The following PDLIM5 variants were observed in gnomAD, a reference collection of about 807,000 sequenced individuals.
PDLIM5 encodes PDZ and LIM domain protein 5.
In PDLIM5, 34 loss-of-function variants were observed where a neutral mutation model predicts 64.2. The ratio of observed to expected loss-of-function variants is 0.53; its 90% CI spans 0.40 to 0.71. The LOEUF is 0.71. PDLIM5 is among the 30% of genes least tolerant of loss of function. The probability of loss-of-function intolerance (pLI) is 0.00; values close to 1 mark genes in which losing one functional copy is unlikely to be tolerated. For synonymous variants in PDLIM5, 253 were observed against 269.1 expected (o/e 0.94, Z 0.59); for missense variants, 683 against 733.6 (o/e 0.93, Z 0.80).
chr4:94,581,931 A>G (rs2110301664), intron 5 of PDLIM5, among the ~76,000 whole-genome samples: 1 of 152,300 alleles, frequency 6.6e-6, no homozygotes, highest in South Asian at 2.1e-4. Flanking sequence ...GGCAATAATT[A>G]TATCACTGAT....
intron 2 of PDLIM5, among the ~76,000 whole-genome samples, chr4:94,503,785 C>T (rs551016954): frequency 1.3e-5 from 2 of 152,318 alleles, no homozygotes; most frequent in East Asian, 3.9e-4. Flanking sequence ...AGTTCTACCC[C>T]TTTTATATTC....
intron 3 of PDLIM5, among the ~76,000 whole-genome samples, chr4:94,535,551 C>CT (rs1731246374): frequency 6.6e-6 from 1 of 152,172 alleles, no homozygotes; most frequent in Non-Finnish European, 1.5e-5. Flanking sequence ...GAACCTCCCA[C>CT]TTTCACCTGT....
intron 2 of PDLIM5, among the ~76,000 whole-genome samples, chr4:94,473,132 G>A (rs1725023275): frequency 6.6e-6 from 1 of 152,202 alleles, no homozygotes; most frequent in South Asian, 2.1e-4. Flanking sequence ...ATAAAGTCCA[G>A]GAATAGTATT....
intron 2 of PDLIM5, among the ~76,000 whole-genome samples, chr4:94,472,005 A>G (rs1724916930): frequency 6.6e-6 from 1 of 152,160 alleles, no homozygotes; most frequent in South Asian, 2.1e-4. Context: ...TACTAGTAAT[A>G]GGGAGTTGAA....
intron 3 of PDLIM5, among the ~76,000 whole-genome samples, chr4:94,565,638 AG>A (rs879825787): frequency 6.6e-6 from 1 of 152,228 alleles, no homozygotes; most frequent in Non-Finnish European, 1.5e-5. Context: ...TTAGCACCAG[AG>A]AAGGTATTCA....
intron 3 of PDLIM5, among the ~76,000 whole-genome samples, chr4:94,569,258 A>G (rs774828227): frequency 1.2e-4 from 19 of 152,178 alleles, no homozygotes; most frequent in Non-Finnish European, 1.9e-4. Flanking sequence ...ATTTGGGATG[A>G]TAACTAGTCT....
At chr4:94,481,924 GCTTA>G (rs1725896031) in intron 2 of PDLIM5, among the ~76,000 whole-genome samples, 2 of 151,790 alleles carry the variant, frequency 1.3e-5, no homozygotes, top group South Asian at 4.2e-4. Flanking sequence ...AGTTTTTAAA[GCTTA>G]CTTATGCTTT....
chr4:94,614,648 A>G (rs534680284), intron 7 of PDLIM5, among the ~76,000 whole-genome samples: 13 of 152,300 alleles, frequency 8.5e-5, no homozygotes, highest in African/African-American at 2.4e-4. Context: ...TGCCTTGGTA[A>G]TAACTTAGAT....
At chr4:94,567,450 A>C (rs2110260567) in intron 3 of PDLIM5, among the ~76,000 whole-genome samples, 1 of 152,248 alleles carries the variant, frequency 6.6e-6, no homozygotes, top group South Asian at 2.1e-4. Flanking sequence ...AAGTAGAAGT[A>C]ATTACTTACC....
chr4:94,480,643 A>G (rs774020340), intron 2 of PDLIM5, among the ~76,000 whole-genome samples: 8 of 152,146 alleles, frequency 5.3e-5, no homozygotes, highest in Non-Finnish European at 1.0e-4. Context: ...GAAGATACAG[A>G]AAGGGAGAGA....
intron 8 of PDLIM5, among the ~76,000 whole-genome samples, chr4:94,627,497 T>G (rs1362934273): frequency 6.6e-6 from 1 of 152,214 alleles, no homozygotes; most frequent in Non-Finnish European, 1.5e-5. Flanking sequence ...TCATAAAGAA[T>G]TGTTCTATTA....
At chr4:94,480,790 A>G (rs549708978) in intron 2 of PDLIM5, among the ~76,000 whole-genome samples, 4 of 152,288 alleles carry the variant, frequency 2.6e-5, no homozygotes, top group African/African-American at 9.6e-5. Flanking sequence ...GGGCAGAGAA[A>G]AGCAGGGAAA....
chr4:94,571,102 A>G (rs1334745620), intron 3 of PDLIM5, among the ~76,000 whole-genome samples: 1 of 152,218 alleles, frequency 6.6e-6, no homozygotes, highest in Non-Finnish European at 1.5e-5. Flanking sequence ...TTGGGTATTC[A>G]AAAGATGCAG....
chr4:94,649,688 T>G (rs986323301), intron 9 of PDLIM5, among the ~76,000 whole-genome samples: 3 of 152,232 alleles, frequency 2.0e-5, no homozygotes, highest in Non-Finnish European at 4.4e-5. Flanking sequence ...AGATGAACTT[T>G]TAAATATTTG....
chr4:94,574,837 T>C (rs1057195566), intron 4 of PDLIM5, among the ~76,000 whole-genome samples: 3 of 152,104 alleles, frequency 2.0e-5, no homozygotes, highest in African/African-American at 7.2e-5. Context: ...TGGGGAAATA[T>C]TGAAGATTTT....
intron 8 of PDLIM5, among the ~76,000 whole-genome samples, chr4:94,625,131 T>C (rs1311281169): frequency 6.6e-6 from 1 of 152,240 alleles, no homozygotes; most frequent in Non-Finnish European, 1.5e-5. Flanking sequence ...CTGCTGGTTT[T>C]AACCATTGCC....
intron 4 of PDLIM5, among the ~76,000 whole-genome samples, chr4:94,574,709 G>A (rs1735104023): frequency 6.6e-6 from 1 of 152,076 alleles, no homozygotes; most frequent in Non-Finnish European, 1.5e-5. Context: ...TAGAAGCTTA[G>A]TCTGATTTTG....
At chr4:94,482,290 T>A (rs1560645466) in intron 2 of PDLIM5, among the ~76,000 whole-genome samples, 1 of 151,762 alleles carries the variant, frequency 6.6e-6, no homozygotes, top group Non-Finnish European at 1.5e-5. Flanking sequence ...TCTGCCTCAG[T>A]GCCCAAAATG....
chr4:94,620,622 A>G (rs1244092737), intron 8 of PDLIM5, among the ~76,000 whole-genome samples: 1 of 152,138 alleles, frequency 6.6e-6, no homozygotes, highest in African/African-American at 2.4e-5. Flanking sequence ...ATTAAGTAGG[A>G]ATCCATCTTT....
Sources: gnomAD v4.1 joint callset for allele counts (sites outside exome capture counted in the v4.1 genomes callset) on GRCh38, gnomAD v4.1.1 for gene constraint, MANE v1.5 for transcripts, NCBI Gene and HGNC (gene_info 2026-07-23, HGNC 2026-07-21) for gene names.